The following CSMD1 variants were observed in gnomAD, a reference collection of about 807,000 sequenced individuals.
CSMD1 encodes the protein CUB and sushi domain-containing protein 1.
Under a neutral mutation model 417.5 loss-of-function variants are expected in CSMD1, and 213 were observed. The observed-to-expected ratio is 0.51, with a 90% CI of 0.46 to 0.57. CSMD1 has a LOEUF of 0.57. Ranked by LOEUF, CSMD1 falls within the 20% of genes least tolerant of loss-of-function variation. The pLI is 0.00. For synonymous variants in CSMD1, 2,862 were observed against 1,736.8 expected (o/e 1.65, Z -16.11); for missense variants, 6,923 against 4,529.7 (o/e 1.53, Z -15.17).
intron 6 of CSMD1, among the ~76,000 whole-genome samples, chr8:3,734,185 T>C (rs1796408870): frequency 6.6e-6 from 1 of 152,228 alleles, no homozygotes; most frequent in South Asian, 2.1e-4. Flanking sequence ...AACATTGAGC[T>C]GATGCATGGA....
At chr8:4,253,314 T>C (rs894462024) in intron 3 of CSMD1, among the ~76,000 whole-genome samples, 5 of 152,216 alleles carry the variant, frequency 3.3e-5, no homozygotes, top group Admixed American at 6.5e-5. Flanking sequence ...TCATGTTTTG[T>C]CTCTTTTTTC....
intron 5 of CSMD1, among the ~76,000 whole-genome samples, chr8:3,831,733 C>T (rs530012965): frequency 6.6e-6 from 1 of 152,110 alleles, no homozygotes; most frequent in African/African-American, 2.4e-5. Flanking sequence ...AATAGGTTTC[C>T]AAATACAGTT....
intron 2 of CSMD1, among the ~76,000 whole-genome samples, chr8:4,602,852 G>C (rs1354888706): frequency 3.3e-5 from 5 of 151,658 alleles, no homozygotes; most frequent in African/African-American, 4.8e-5. Context: ...ACAATAAAAA[G>C]AAATCTTTTA....
intron 1 of CSMD1, among the ~76,000 whole-genome samples, chr8:4,917,701 A>C (rs1478425312): frequency 6.6e-6 from 1 of 152,220 alleles, no homozygotes; most frequent in African/African-American, 2.4e-5. Flanking sequence ...CATAGAGACA[A>C]ACCGTATCAG....
At position 4,549,145 on chromosome 8, in the gene CSMD1, C is replaced by G. The variant is rs971642162; in HGVS notation, c.302+88197G>C. Among the ~76,000 whole-genome samples, 6 of 152,182 alleles carry G rather than the reference C, an allele frequency of 3.9e-5. No homozygotes were observed. The East Asian group carries it at 1.2e-3, about 29-fold the overall frequency. ...AAAAATAGCATCTTGCCCCAATTGT[C>G]TTTCTTACACAGACTGACTCAAGGG... On this transcript the variant is annotated intron_variant, in intron 2 of 69. Transcript: ENST00000635120.
At chr8:3,512,013 A>C (rs562087847) in intron 10 of CSMD1, among the ~76,000 whole-genome samples, 1 of 151,996 alleles carries the variant, frequency 6.6e-6, no homozygotes, top group East Asian at 1.9e-4. Context: ...TCATTTCTCC[A>C]GGCCCCGCTC....
chr8:4,231,452 C>T (rs1170256612), intron 3 of CSMD1, among the ~76,000 whole-genome samples: 1 of 151,878 alleles, frequency 6.6e-6, no homozygotes, highest in Non-Finnish European at 1.5e-5. Context: ...AGAGATCAGA[C>T]ATTAGACAGT....
intron 12 of CSMD1, among the ~76,000 whole-genome samples, chr8:3,431,389 C>G (rs1814208367): frequency 6.6e-6 from 1 of 152,120 alleles, no homozygotes; most frequent in Non-Finnish European, 1.5e-5. Context: ...TAGGCAGTTG[C>G]TTTAGTGTGC....
chr8:4,577,074 A>G (rs1799172247), intron 2 of CSMD1, among the ~76,000 whole-genome samples: 1 of 152,210 alleles, frequency 6.6e-6, no homozygotes, highest in South Asian at 2.1e-4. Flanking sequence ...AAAAATGATT[A>G]TATGATAATT....
intron 3 of CSMD1, among the ~76,000 whole-genome samples, chr8:4,237,534 C>T (rs934394428): frequency 6.7e-6 from 1 of 149,282 alleles, no homozygotes; most frequent in Non-Finnish European, 1.5e-5. Flanking sequence ...GTCAATACTA[C>T]TTTTTTTTTT....
intron 1 of CSMD1, among the ~76,000 whole-genome samples, chr8:4,645,966 C>T (rs1007471072): frequency 6.6e-6 from 1 of 152,268 alleles, no homozygotes. Flanking sequence ...CGGTTATATT[C>T]CTCAGCCAAT....
At chr8:4,931,922 A>T (rs1807275625) in intron 1 of CSMD1, among the ~76,000 whole-genome samples, 1 of 152,230 alleles carries the variant, frequency 6.6e-6, no homozygotes, top group Admixed American at 6.5e-5. Flanking sequence ...CTTGGACATT[A>T]AGATGCTTAT....
At chr8:4,663,504 C>G (rs1209500939) in intron 1 of CSMD1, among the ~76,000 whole-genome samples, 1 of 152,072 alleles carries the variant, frequency 6.6e-6, no homozygotes, top group African/African-American at 2.4e-5. Context: ...CACAGATATT[C>G]CCCTTGCTGT....
Position 2,937,667 on chromosome 8 carries a change from CT to C in CSMD1, c.*917del, listed in dbSNP as rs1397608031. On this transcript the variant is annotated 3_prime_UTR_variant, in exon 70 of 70. Coordinates refer to ENST00000635120, the MANE Select transcript of CSMD1 (RefSeq NM_033225.6). ...GAAATAAGGAGGCTTCTGTTTTTTT[CT>C]CATTGGACCTCTTCAATGAATTCAA... 4 of 152,118 alleles carry C rather than the reference CT, an allele frequency of 2.6e-5. No homozygotes were observed. Among genetic ancestry groups the C allele is most frequent in the Non-Finnish European group, 5.9e-5 (4 of 67,996 alleles). The allele number at this position is 152,118 out of a possible 1,614,324, so 9.4% of individuals were successfully genotyped here.
chr8:4,364,000 C>G (rs529513643), intron 3 of CSMD1, among the ~76,000 whole-genome samples: 1 of 152,126 alleles, frequency 6.6e-6, no homozygotes, highest in African/African-American at 2.4e-5. Context: ...GGTTGACTGA[C>G]TGTAGTCAAT....
chr8:3,673,213 C>T (rs1164970561), intron 7 of CSMD1, among the ~76,000 whole-genome samples: 1 of 152,180 alleles, frequency 6.6e-6, no homozygotes, highest in African/African-American at 2.4e-5. Context: ...TGCCCCTGTG[C>T]ATGAACCACA....
At chr8:3,377,627 C>T (rs1810393463) in intron 18 of CSMD1, among the ~76,000 whole-genome samples, 1 of 152,134 alleles carries the variant, frequency 6.6e-6, no homozygotes, top group Admixed American at 6.6e-5. Context: ...TTCCATTAAA[C>T]CTACTTTGCT....
intron 1 of CSMD1, among the ~76,000 whole-genome samples, chr8:4,787,079 T>C (rs919949991): frequency 3.3e-5 from 5 of 152,174 alleles, no homozygotes; most frequent in Admixed American, 6.5e-5. Context: ...TTAGATCTAA[T>C]TACTGATAGC....
chr8:4,980,424 G>C (rs879743108), intron 1 of CSMD1, among the ~76,000 whole-genome samples: 2 of 152,206 alleles, frequency 1.3e-5, no homozygotes, highest in African/African-American at 2.4e-5. Flanking sequence ...GTGTGTGTGG[G>C]AAGGAAGGAG....
Sources: allele counts gnomAD v4.1 joint callset (sites outside exome capture counted in the v4.1 genomes callset), GRCh38; gene constraint gnomAD v4.1.1; transcripts MANE v1.5; gene names NCBI Gene and HGNC (gene_info 2026-07-23, HGNC 2026-07-21).